Variants in PTPN22 observed in about 807,000 individuals in gnomAD.
PTPN22 encodes the protein protein tyrosine phosphatase non-receptor type 22, also known as tyrosine-protein phosphatase non-receptor type 22.
In PTPN22, 85 loss-of-function variants were observed where a neutral mutation model predicts 103.3. The observed-to-expected ratio is 0.82, with a 90% CI of 0.69 to 0.99. The LOEUF is 0.99. Ranked by LOEUF, PTPN22 falls within the 50% of genes least tolerant of loss-of-function variation. The pLI is 0.00. For missense variants in PTPN22, 865 were observed against 936.9 expected, an observed-to-expected ratio of 0.92 and a Z score of 1.00; for synonymous variants, 323 against 310.2, an observed-to-expected ratio of 1.04 and a Z score of -0.43.
chr1:113,856,382 A>G, exon 7 of PTPN22: 1 of 1,562,622 alleles, frequency 6.4e-7, no homozygotes, highest in Non-Finnish European at 8.7e-7. Context: ...TTATACTTAC[A>G]CTATTGAACT....
At chr1:113,868,800 AGTGGTT>A (rs1430938085) in intron 1 of PTPN22, among the ~76,000 whole-genome samples, 1 of 152,130 alleles carries the variant, frequency 6.6e-6, no homozygotes, top group African/African-American at 2.4e-5. Context: ...TGACTTGGGT[AGTGGTT>A]GCACTGCTAA....
intron 19 of PTPN22, among the ~76,000 whole-genome samples, chr1:113,822,775 C>G (rs781257331): frequency 3.9e-5 from 6 of 152,140 alleles, no homozygotes; most frequent in Non-Finnish European, 8.8e-5. Flanking sequence ...TCCTGGCCAA[C>G]ACGGTGAAAC....
intron 1 of PTPN22, among the ~76,000 whole-genome samples, chr1:113,865,427 T>C (rs1398836201): frequency 6.7e-6 from 1 of 150,168 alleles, no homozygotes; most frequent in Non-Finnish European, 1.5e-5. Context: ...TGGGTAAAAA[T>C]GAACATAATA....
At chr1:113,827,492 TC>T (rs1198994726) in intron 18 of PTPN22, among the ~76,000 whole-genome samples, 1 of 152,092 alleles carries the variant, frequency 6.6e-6, no homozygotes, top group East Asian at 1.9e-4. Flanking sequence ...ATTGAGAAAG[TC>T]CTAATTCTTT....
intron 11 of PTPN22, among the ~76,000 whole-genome samples, chr1:113,844,197 C>G (rs777379353): frequency 1.3e-5 from 2 of 152,272 alleles, no homozygotes; most frequent in African/African-American, 2.4e-5. Flanking sequence ...TGCCTTGGCT[C>G]ACGCCTGTAA....
At chr1:113,841,771 T>A (rs544362570) in intron 11 of PTPN22, among the ~76,000 whole-genome samples, 1 of 152,128 alleles carries the variant, frequency 6.6e-6, no homozygotes, top group East Asian at 1.9e-4. Flanking sequence ...CCCGGCTAAT[T>A]TTTGTCTTTG....
chr1:113,848,634 G>A lies in PTPN22; in HGVS notation c.829-8C>T, dbSNP rs775806318. ...GACCAGTTCATATTGTTCCTGAAGAGCATCACAACCCAGAACAAATGAAAA... is the reference window on the plus strand; with the variant it reads ...GACCAGTTCATATTGTTCCTGAAGAACATCACAACCCAGAACAAATGAAAA... On this transcript the variant is annotated splice_polypyrimidine_tract_variant and splice_region_variant and intron_variant, in intron 10 of 20. Coordinates refer to ENST00000359785, the Ensembl canonical transcript of PTPN22. 2 of 1,608,680 alleles carry A rather than the reference G, an allele frequency of 1.2e-6. No individual in the cohort carries two copies.
intron 18 of PTPN22, among the ~76,000 whole-genome samples, chr1:113,826,529 T>G (rs981444532): frequency 6.6e-6 from 1 of 152,040 alleles, no homozygotes; most frequent in Non-Finnish European, 1.5e-5. Flanking sequence ...TCTGAATATA[T>G]CCATGATACA....
At chr1:113,858,634 C>A in intron 3 of PTPN22, 61 bp from the exon 4 acceptor site, 1 of 1,041,918 alleles carries the variant, frequency 9.6e-7, no homozygotes, top group Non-Finnish European at 1.4e-6. Context: ...TCACCTAGTC[C>A]TCCGCTTCCT....
At chr1:113,843,126 A>G (rs1230609464) in intron 11 of PTPN22, among the ~76,000 whole-genome samples, 1 of 148,752 alleles carries the variant, frequency 6.7e-6, no homozygotes, top group African/African-American at 2.5e-5. Flanking sequence ...AAAACTAAAC[A>G]TAGAATTACC....
chr1:113,825,223 A>G, intron 18 of PTPN22, 51 bp from the exon 19 acceptor site: 1 of 1,135,204 alleles, frequency 8.8e-7, no homozygotes, highest in Non-Finnish European at 1.3e-6. Context: ...AACTTGAAAT[A>G]CTTTAATCAA....
chr1:113,852,109 C>T lies in PTPN22; in HGVS notation c.751-5G>A. ...ACTGAAGTTCTCAGGAATTATCTAT[C>T]AAATTAAAGGGGAAAATATTCCTTT... On this transcript the variant is annotated splice_polypyrimidine_tract_variant and splice_region_variant and intron_variant, in intron 9 of 20. Coordinates refer to ENST00000359785, the Ensembl canonical transcript of PTPN22. 6.3e-7 allele frequency: 1 copy of T among 1,592,990 alleles called. No homozygotes were observed. The highest frequency in any genetic ancestry group is 8.6e-7 in the Non-Finnish European group (1 of 1,161,774).
exon 21 of PTPN22, chr1:113,814,383 C>A (rs1311698162): frequency 6.6e-6 from 1 of 152,192 alleles, no homozygotes; most frequent in Admixed American, 6.6e-5. Flanking sequence ...TCTTAATATT[C>A]CAGTTTTCCA....
intron 16 of PTPN22, chr1:113,832,899 G>C: frequency 2.2e-6 from 1 of 448,256 alleles, no homozygotes; most frequent in Non-Finnish European, 4.0e-6. Context: ...TTATTTCAGA[G>C]AGGTTATATA....
At chr1:113,863,036 G>A (rs1665754716) in intron 1 of PTPN22, among the ~76,000 whole-genome samples, 1 of 152,144 alleles carries the variant, frequency 6.6e-6, no homozygotes, top group East Asian at 1.9e-4. Context: ...TAAACCAAGA[G>A]GTTCAACTTT....
At chr1:113,837,486 AAGAGAAGAAGC>A (rs1310203153) in intron 13 of PTPN22, 93 bp downstream of exon 13, 3 of 809,948 alleles carry the variant, frequency 3.7e-6, no homozygotes, top group Non-Finnish European at 3.8e-6. Context: ...AAAAGAAAGA[AAGAGAAGAAGC>A]AGAGGAGAAG....
chr1:113,864,351 C>A, intron 1 of PTPN22: 2 of 372,306 alleles, frequency 5.4e-6, no homozygotes, highest in South Asian at 3.8e-5. Context: ...GATCAAGCCA[C>A]GGCACTCCAG....
chr1:113,824,796 C>T (rs750812666), intron 19 of PTPN22, among the ~76,000 whole-genome samples: 1 of 151,836 alleles, frequency 6.6e-6, no homozygotes, highest in Non-Finnish European at 1.5e-5. Context: ...CCCAGGAGTT[C>T]GAGACCAACC....
At chr1:113,843,541 T>G (rs966802749) in intron 11 of PTPN22, among the ~76,000 whole-genome samples, 3 of 151,800 alleles carry the variant, frequency 2.0e-5, no homozygotes, top group Non-Finnish European at 2.9e-5. Context: ...GAGGGGAGAA[T>G]AGGGAGTTAT....
Sources: gnomAD v4.1 joint callset for allele counts (sites outside exome capture counted in the v4.1 genomes callset) on GRCh38, gnomAD v4.1.1 for gene constraint, MANE v1.5 for transcripts, NCBI Gene and HGNC (gene_info 2026-07-23, HGNC 2026-07-21) for gene names.